The following LARP4B variants were observed in gnomAD, a reference collection of about 807,000 sequenced individuals.
LARP4B encodes the protein la-related protein 4B.
LARP4B carries 12 observed loss-of-function variants against 89.8 expected under a neutral mutation model. The ratio of observed to expected loss-of-function variants is 0.13; its 90% confidence interval spans 0.09 to 0.22. The LOEUF is 0.22. Ranked by LOEUF, LARP4B falls within the 10% of genes least tolerant of loss-of-function variation. The pLI is 1.00. For missense variants in LARP4B, 757 were observed against 947.7 expected (o/e 0.80, Z 2.64); for synonymous variants, 367 against 363.3 (o/e 1.01, Z -0.12).
the LARP4B span, chr10:971,196 T>A: frequency 6.6e-6 from 1 of 152,234 alleles, no homozygotes; most frequent in Non-Finnish European, 1.5e-5. Context: ...TTGGTTCTAA[T>A]ATCAAAGCAG....
chr10:848,832 C>T (rs562481844), intron 5 of LARP4B, among the ~76,000 whole-genome samples: 1 of 152,254 alleles, frequency 6.6e-6, no homozygotes, highest in Non-Finnish European at 1.5e-5. Context: ...AAAATCTACA[C>T]ACAGGAGTAG....
chr10:926,647 A>G (rs1837142179), intron 1 of LARP4B, among the ~76,000 whole-genome samples: 1 of 152,270 alleles, frequency 6.6e-6, no homozygotes, highest in African/African-American at 2.4e-5. Context: ...ATTTATGCAC[A>G]TCAGACTTCA....
At chr10:976,977 C>T in the LARP4B span, among the ~76,000 whole-genome samples, 1 of 152,142 alleles carries the variant, frequency 6.6e-6, no homozygotes, top group Non-Finnish European at 1.5e-5. Flanking sequence ...GTGGACCCGG[C>T]CTAGTAGAAC....
At chr10:844,372 A>G (rs1237044701) in intron 6 of LARP4B, among the ~76,000 whole-genome samples, 1 of 152,104 alleles carries the variant, frequency 6.6e-6, no homozygotes, top group Non-Finnish European at 1.5e-5. Flanking sequence ...CACCTCATAC[A>G]CCCCACAGGC....
chr10:900,942 G>A (rs946511154), intron 1 of LARP4B, among the ~76,000 whole-genome samples: 1 of 93,130 alleles, frequency 1.1e-5, no homozygotes, highest in African/African-American at 4.2e-5. Flanking sequence ...TTTTTGAGAC[G>A]GAGTCTTGCT....
At chr10:821,930 T>C (rs1832371969) in intron 13 of LARP4B, among the ~76,000 whole-genome samples, 1 of 152,204 alleles carries the variant, frequency 6.6e-6, no homozygotes, top group South Asian at 2.1e-4. Flanking sequence ...AGGTGGGGCA[T>C]GAGTCCTGAC....
chr10:947,294 T>C, the LARP4B span, among the ~76,000 whole-genome samples: 4 of 152,142 alleles, frequency 2.6e-5, no homozygotes, highest in East Asian at 7.7e-4. Context: ...AGTTCTGTTC[T>C]GCTTCTTTCA....
intron 1 of LARP4B, among the ~76,000 whole-genome samples, chr10:912,868 A>C (rs1037331849): frequency 6.6e-6 from 1 of 152,184 alleles, no homozygotes; most frequent in African/African-American, 2.4e-5. Flanking sequence ...CATCAAAAAC[A>C]AAAACACAAA....
upstream of LARP4B, among the ~76,000 whole-genome samples, chr10:932,125 G>A (rs1266104795): frequency 6.6e-6 from 1 of 151,834 alleles, no homozygotes; most frequent in Non-Finnish European, 1.5e-5. Context: ...CGCCCAGGAC[G>A]GATGGCGACC....
intron 5 of LARP4B, among the ~76,000 whole-genome samples, chr10:852,124 G>A (rs1311237423): frequency 6.6e-6 from 1 of 152,120 alleles, no homozygotes; most frequent in Admixed American, 6.6e-5. Context: ...GAAAACTCCT[G>A]CCCACATGAC....
chr10:867,125 TGAA>T (rs1564418193), intron 3 of LARP4B, among the ~76,000 whole-genome samples: 1 of 152,228 alleles, frequency 6.6e-6, no homozygotes, highest in East Asian at 1.9e-4. Context: ...TACCTCTTAG[TGAA>T]GAAGTCCAAA....
intron 3 of LARP4B, chr10:869,917 AATAAT>A (rs1835112522): frequency 7.3e-6 from 1 of 137,920 alleles, no homozygotes; most frequent in Non-Finnish European, 1.5e-5. Context: ...TAATAATAAT[AATAAT>A]AATAATAATA....
At chr10:908,226 A>G (rs1022916252) in intron 1 of LARP4B, among the ~76,000 whole-genome samples, 1 of 152,100 alleles carries the variant, frequency 6.6e-6, no homozygotes, top group African/African-American at 2.4e-5. Context: ...AACAACAGAA[A>G]AAGGACTCGG....
intron 5 of LARP4B, among the ~76,000 whole-genome samples, chr10:845,563 T>C (rs1226716317): frequency 2.0e-5 from 3 of 152,184 alleles, no homozygotes; most frequent in Admixed American, 6.5e-5. Flanking sequence ...CAAGTGAGAA[T>C]TGTCATGTTA....
At chr10:916,148 G>C (rs1031092361) in intron 1 of LARP4B, among the ~76,000 whole-genome samples, 1 of 152,128 alleles carries the variant, frequency 6.6e-6, no homozygotes, top group South Asian at 2.1e-4. Context: ...CGTTACATGA[G>C]ATTTCTGAAA....
chr10:984,316 T>C, the LARP4B span, among the ~76,000 whole-genome samples: 1 of 152,186 alleles, frequency 6.6e-6, no homozygotes, highest in African/African-American at 2.4e-5. Context: ...CATTTGGAAA[T>C]TGATCATACA....
At chr10:982,040 T>C in the LARP4B span, among the ~76,000 whole-genome samples, 1 of 152,198 alleles carries the variant, frequency 6.6e-6, no homozygotes, top group Admixed American at 6.5e-5. Context: ...ATCAAAGCTA[T>C]TCTTTGATTA....
chr10:982,065 TG>T, the LARP4B span, among the ~76,000 whole-genome samples: 9 of 152,004 alleles, frequency 5.9e-5, no homozygotes, highest in African/African-American at 1.4e-4. Context: ...CTTTTTTTTT[TG>T]ATCTGCTACT....
At chr10:903,475 T>C (rs1370899657) in intron 1 of LARP4B, 2 of 152,248 alleles carry the variant, frequency 1.3e-5, no homozygotes, top group Non-Finnish European at 2.9e-5. Flanking sequence ...CTTGAGATTA[T>C]TGATAGTCTC....
Sources: allele counts gnomAD v4.1 joint callset (sites outside exome capture counted in the v4.1 genomes callset), GRCh38; gene constraint gnomAD v4.1.1; transcripts MANE v1.5; gene names NCBI Gene and HGNC (gene_info 2026-07-23, HGNC 2026-07-21).